The following CAPS2 variants were observed in gnomAD, a reference collection of about 807,000 sequenced individuals.
The protein encoded by CAPS2 is calcyphosine 2, also known as calcyphosin-2.
Under a neutral mutation model 86.5 loss-of-function variants are expected in CAPS2, and 98 were observed. That is an observed-to-expected ratio of 1.13 (90% confidence interval 0.96 to 1.34). The LOEUF is 1.34. Ranked by LOEUF, CAPS2 falls within the 40% of genes most tolerant of loss-of-function variation. The probability of loss-of-function intolerance (pLI) is 0.00; values close to 1 mark genes in which losing one functional copy is unlikely to be tolerated. For synonymous variants in CAPS2, 210 were observed against 225.1 expected (o/e 0.93, Z 0.60); for missense variants, 729 against 686.8 (o/e 1.06, Z -0.69).
rs1306107054 is a variant in CAPS2, at chr12:75,311,700, G to GA, written c.659+1147dup. Among the ~76,000 whole-genome samples, 38 of 6,682 alleles carry GA rather than the reference G, an allele frequency of 5.7e-3. 2 individuals are homozygous for GA. The East Asian group carries it at 0.075, about 13-fold the overall frequency. 4.4% of individuals were successfully genotyped at this position (6,682 alleles called of 152,430 possible). On this transcript the variant is annotated intron_variant, in intron 7 of 16. Coordinates refer to ENST00000393284, the Ensembl canonical transcript of CAPS2. The stretch of plus-strand genomic sequence containing the variant: ...GTGTCACGTGCAGGAAGCCATGCAG[G>GA]AAAAAAAAAAACAAAAAAAAAAACA...
chr12:75,367,268 GAAAA>G (rs35250320), intron 1 of CAPS2, among the ~76,000 whole-genome samples: 2 of 88,730 alleles, frequency 2.3e-5, no homozygotes, highest in Non-Finnish European at 4.3e-5. Flanking sequence ...TTCCTAGGAG[GAAAA>G]AAAAAAAAAA....
At chr12:75,358,770 T>C (rs1401886091) in intron 1 of CAPS2, among the ~76,000 whole-genome samples, 2 of 144,666 alleles carry the variant, frequency 1.4e-5, no homozygotes, top group African/African-American at 2.5e-5. Flanking sequence ...TATATATGTT[T>C]AAATATATAT....
chr12:75,390,389 G>C, intron 1 of CAPS2: 1 of 456,252 alleles, frequency 2.2e-6, no homozygotes, highest in Non-Finnish European at 4.4e-6. Flanking sequence ...GTGCTGATGA[G>C]AGAAGAAGTA....
intron 1 of CAPS2, among the ~76,000 whole-genome samples, chr12:75,384,066 G>A (rs973111859): frequency 6.6e-6 from 1 of 151,838 alleles, no homozygotes; most frequent in Non-Finnish European, 1.5e-5. Context: ...TATTAGAAAA[G>A]AAGAAAGATC....
chr12:75,386,329 TA>T (rs1358607787), intron 1 of CAPS2, among the ~76,000 whole-genome samples: 1 of 152,182 alleles, frequency 6.6e-6, no homozygotes, highest in Non-Finnish European at 1.5e-5. Context: ...TAATTTATTT[TA>T]AAAAAAGATC....
upstream of CAPS2, among the ~76,000 whole-genome samples, chr12:75,326,755 AC>A (rs2040824104): frequency 6.6e-6 from 1 of 152,164 alleles, no homozygotes; most frequent in Non-Finnish European, 1.5e-5. Context: ...CTGTAAATAT[AC>A]CACCTTACAT....
intron 9 of CAPS2, 127 bp from the exon 10 acceptor site, chr12:75,299,093 T>C (rs2037387380): frequency 3.4e-6 from 2 of 582,542 alleles, no homozygotes; most frequent in African/African-American, 1.9e-5. Flanking sequence ...GTGAAGGTTA[T>C]GGGAAACTGT....
At chr12:75,381,116 C>T (rs867382017) in intron 1 of CAPS2, among the ~76,000 whole-genome samples, 1 of 152,034 alleles carries the variant, frequency 6.6e-6, no homozygotes, top group Middle Eastern at 3.2e-3. Context: ...TAGGAGGGAC[C>T]CAGGGGGAGG....
chr12:75,340,119 T>C (rs1009745774), intron 1 of CAPS2, among the ~76,000 whole-genome samples: 3 of 150,740 alleles, frequency 2.0e-5, no homozygotes, highest in Non-Finnish European at 4.4e-5. Flanking sequence ...CCATTATATG[T>C]ATATATTTTA....
intron 1 of CAPS2, among the ~76,000 whole-genome samples, chr12:75,372,998 A>G (rs917509914): frequency 6.6e-6 from 1 of 152,220 alleles, no homozygotes; most frequent in African/African-American, 2.4e-5. Flanking sequence ...ATGAGGATAA[A>G]TCACTGCCCT....
At chr12:75,276,155 G>A, downstream of CAPS2, 1 of 1,496,938 alleles carries the variant, frequency 6.7e-7, no homozygotes, top group South Asian at 1.3e-5. Flanking sequence ...TCTCTTGCTT[G>A]GCTTATTTTA....
intron 6 of CAPS2, among the ~76,000 whole-genome samples, chr12:75,314,364 T>C (rs1217360638): frequency 6.6e-6 from 1 of 152,188 alleles, no homozygotes; most frequent in Non-Finnish European, 1.5e-5. Context: ...TTATTGATAA[T>C]GTTTAAATTA....
intron 1 of CAPS2, among the ~76,000 whole-genome samples, chr12:75,325,764 A>G (rs2040716452): frequency 1.3e-5 from 2 of 152,088 alleles, no homozygotes; most frequent in Non-Finnish European, 2.9e-5. Context: ...ACAGGCCTCC[A>G]GATAAGAGTT....
chr12:75,387,509 A>G (rs1339759265), intron 1 of CAPS2, among the ~76,000 whole-genome samples: 2 of 152,218 alleles, frequency 1.3e-5, no homozygotes, highest in Admixed American at 1.3e-4. Context: ...GTTTCTTAAA[A>G]AACTGAACAT....
At chr12:75,287,927 G>A in intron 14 of CAPS2, among the ~76,000 whole-genome samples, 1 of 152,270 alleles carries the variant, frequency 6.6e-6, no homozygotes, top group Middle Eastern at 3.4e-3. Flanking sequence ...ATCTCACCCT[G>A]TGGGATCTGA....
intron 16 of CAPS2, among the ~76,000 whole-genome samples, chr12:75,281,724 T>G (rs542679484): frequency 1.3e-5 from 2 of 152,040 alleles, no homozygotes; most frequent in African/African-American, 2.4e-5. Flanking sequence ...ATAAAAAGCA[T>G]GCACTTATAA....
rs74110648 is a variant in CAPS2 at position 75,286,895 on chromosome 12, A to G, written c.1396-1815T>C. Among the ~76,000 whole-genome samples the G allele has an allele frequency of 8.4e-3, 1,273 of 151,930 alleles. 20 individuals are homozygous for G. Among genetic ancestry groups the G allele is most frequent in the African/African-American group, 0.029 (1,198 of 41,512 alleles). On this transcript the variant is annotated intron_variant, in intron 14 of 16. Transcript: ENST00000393284. Reference sequence around the variant, plus strand: ...GTTCCCTCTATGTTAGAAGTCTTATATAATTACTGTAGTTTTTGTTCCTAG... The same window carrying G: ...GTTCCCTCTATGTTAGAAGTCTTATGTAATTACTGTAGTTTTTGTTCCTAG...
chr12:75,313,090 T>A (rs2039400484), intron 6 of CAPS2, among the ~76,000 whole-genome samples, 175 bp from the exon 7 acceptor site: 1 of 152,198 alleles, frequency 6.6e-6, no homozygotes, highest in Non-Finnish European at 1.5e-5. Flanking sequence ...AATTTAAATT[T>A]CAATCATTTA....
At chr12:75,336,713 T>C (rs2041761239) in intron 1 of CAPS2, among the ~76,000 whole-genome samples, 1 of 151,558 alleles carries the variant, frequency 6.6e-6, no homozygotes, top group Non-Finnish European at 1.5e-5. Context: ...TTAATCTTAG[T>C]GAGTAAGAGA....
Sources: allele counts gnomAD v4.1 joint callset (sites outside exome capture counted in the v4.1 genomes callset), GRCh38; gene constraint gnomAD v4.1.1; transcripts MANE v1.5; gene names NCBI Gene and HGNC (gene_info 2026-07-23, HGNC 2026-07-21).